The following ABCG8 variants were observed in gnomAD, a reference collection of about 807,000 sequenced individuals.
The protein encoded by ABCG8 is ATP binding cassette subfamily G member 8, also known as ATP-binding cassette sub-family G member 8.
ABCG8 carries 81 observed loss-of-function variants against 71.3 expected under a neutral mutation model. That is an observed-to-expected ratio of 1.14 (90% CI 0.95 to 1.37). ABCG8 has a LOEUF of 1.37. Ranked by LOEUF, ABCG8 falls within the 40% of genes most tolerant of loss-of-function variation. The pLI, the probability that ABCG8 is intolerant of heterozygous loss-of-function variation, is 0.00. For synonymous variants in ABCG8, 451 were observed against 354.7 expected (o/e 1.27, Z -3.05); for missense variants, 1,119 against 866.2 (o/e 1.29, Z -3.66).
At chr2:43,874,886 A>T (rs151177142) in intron 10 of ABCG8, among the ~76,000 whole-genome samples, 186 of 152,204 alleles carry the variant, frequency 1.2e-3, no homozygotes, top group Non-Finnish European at 1.8e-3. Context: ...TAGGGACTTG[A>T]AACCAGGTCT....
chr2:43,877,797 G>T lies in ABCG8; in HGVS notation c.1906G>T (p.Asp636Tyr). Residue 636 changes from aspartate (D) to tyrosine (Y), a missense_variant, in exon 13 of 13, where the codon GAC becomes TAC. Asp to Tyr is a radical substitution (Grantham distance 160). Coordinates refer to ENST00000272286, the MANE Select transcript of ABCG8 (RefSeq NM_022437.3). Reference protein sequence around the residue: ...GDKILSVMELDSYPLYAIYLI... With the variant: ...GDKILSVMELYSYPLYAIYLI... ...CCAGATCCTCAGTGTCATGGAGCTG[G>T]ACTCGTACCCTCTCTACGCCATCTA... is the stretch of plus-strand genomic sequence containing the variant. The T allele has an allele frequency of 6.2e-7, 1 of 1,614,156 alleles. No homozygotes were observed. The highest frequency in any genetic ancestry group is 2.2e-5 in the East Asian group (1 of 44,878).
chr2:43,844,671 G>T, intron 2 of ABCG8, 63 bp downstream of exon 2: 1 of 1,390,154 alleles, frequency 7.2e-7, no homozygotes, highest in Admixed American at 1.8e-5. Flanking sequence ...AATTCCCCGG[G>T]TGGAAATAAA....
At chr2:43,854,736 G>A (rs946942999) in intron 6 of ABCG8, among the ~76,000 whole-genome samples, 2 of 152,134 alleles carry the variant, frequency 1.3e-5, no homozygotes, top group Non-Finnish European at 2.9e-5. Flanking sequence ...AGGGTGGGCA[G>A]GCATGCATGG....
intron 6 of ABCG8, among the ~76,000 whole-genome samples, chr2:43,853,784 G>GT (rs1453688467): frequency 2.0e-5 from 3 of 152,204 alleles, no homozygotes; most frequent in African/African-American, 7.2e-5. Context: ...ACAGTTGTAA[G>GT]GCACAGAACT....
intron 3 of ABCG8, among the ~76,000 whole-genome samples, chr2:43,848,883 G>T (rs1287625672): frequency 6.6e-6 from 1 of 151,852 alleles, no homozygotes; most frequent in Admixed American, 6.6e-5. Flanking sequence ...TTAGCTGGGC[G>T]TGGTGGCACG....
At chr2:43,862,875 C>A (rs566816119) in intron 6 of ABCG8, among the ~76,000 whole-genome samples, 2 of 151,132 alleles carry the variant, frequency 1.3e-5, no homozygotes, top group East Asian at 3.9e-4. Context: ...CTCTCACTCT[C>A]TGTCTAGGTA....
At chr2:43,858,822 CACTA>C (rs1297261490) in intron 6 of ABCG8, among the ~76,000 whole-genome samples, 1 of 151,452 alleles carries the variant, frequency 6.6e-6, no homozygotes, top group Non-Finnish European at 1.5e-5. Flanking sequence ...ATAGAACTCT[CACTA>C]TCTATCTGGA....
chr2:43,861,500 C>T (rs1440602609), intron 6 of ABCG8, among the ~76,000 whole-genome samples: 3 of 151,166 alleles, frequency 2.0e-5, no homozygotes, highest in Admixed American at 2.0e-4. Flanking sequence ...ATAGAATTCT[C>T]ACTCTCTGGA....
Position 43,878,495 on chromosome 2 carries a change from T to C in ABCG8, c.*582T>C, listed in dbSNP as rs1044359846. On this transcript the variant is annotated 3_prime_UTR_variant, in exon 13 of 13. Coordinates refer to ENST00000272286, the MANE Select transcript of ABCG8 (RefSeq NM_022437.3). ...TGTAGCAGGTCCTGTGAAAACACTTTAGGTGGACAATCCCTTGAGGTAAGT... is the reference window on the plus strand; with the variant it reads ...TGTAGCAGGTCCTGTGAAAACACTTCAGGTGGACAATCCCTTGAGGTAAGT... 2 of 178,388 alleles carry C rather than the reference T, an allele frequency of 1.1e-5. No homozygotes were observed. The highest frequency in any genetic ancestry group is 1.3e-4 in the South Asian group (1 of 7,762). The allele number at this position is 178,388 out of a possible 1,614,324, so 11.1% of individuals were successfully genotyped here. A position where few individuals can be genotyped will look rare whatever the true frequency, so the allele number is the denominator to read the frequency against.
intron 6 of ABCG8, among the ~76,000 whole-genome samples, chr2:43,869,701 G>A (rs1445988940): frequency 1.4e-5 from 2 of 147,798 alleles, no homozygotes; most frequent in African/African-American, 2.5e-5. Flanking sequence ...CTGGATAGAA[G>A]TCTCATTATC....
At chr2:43,840,531 A>C (rs991695652) in intron 1 of ABCG8, among the ~76,000 whole-genome samples, 30 of 152,196 alleles carry the variant, frequency 2.0e-4, no homozygotes, top group African/African-American at 6.3e-4. Context: ...GTCTGCCCGT[A>C]ACACCTGTGG....
chr2:43,857,605 G>A (rs1669158953), intron 6 of ABCG8, among the ~76,000 whole-genome samples: 1 of 151,244 alleles, frequency 6.6e-6, no homozygotes, highest in African/African-American at 2.4e-5. Context: ...CTTGCTATCT[G>A]TCTGGATAGA....
chr2:43,850,909 CAAAAAAA>C (rs1164206598), intron 3 of ABCG8, among the ~76,000 whole-genome samples: 1 of 57,522 alleles, frequency 1.7e-5, no homozygotes, highest in South Asian at 5.3e-4. Flanking sequence ...GACTCTGTCT[CAAAAAAA>C]AAAAAAAAAA....
At position 43,873,880 on chromosome 2, in the gene ABCG8, T is replaced by G; in HGVS notation, c.1305T>G (p.Tyr435Ter). ...TGTCAATGACCATCGGCTTCCTCTA[T>G]TTTGGCCATGGGAGCATCCAGCTCT... ...CLMSMTIGFL[Y>*]FGHGSIQLSF... Residue 435 changes from tyrosine (Y) to a stop codon, truncating the protein, a stop_gained, in exon 9 of 13, where the codon TAT becomes TAG. Coordinates refer to ENST00000272286, the MANE Select transcript of ABCG8 (RefSeq NM_022437.3). LOFTEE classifies it high-confidence loss of function. 6.2e-7 allele frequency: 1 copy of G among 1,614,144 alleles called. No homozygotes were observed. Among genetic ancestry groups the G allele is most frequent in the Non-Finnish European group, 8.5e-7 (1 of 1,180,020 alleles).
intron 6 of ABCG8, among the ~76,000 whole-genome samples, chr2:43,857,393 A>G (rs1172443785): frequency 6.6e-6 from 1 of 151,338 alleles, no homozygotes; most frequent in Non-Finnish European, 1.5e-5. Flanking sequence ...AACTCTCACT[A>G]TCTATCTGGA....
chr2:43,839,151 TG>T, intron 1 of ABCG8, 35 bp downstream of exon 1: 1 of 1,549,564 alleles, frequency 6.5e-7, no homozygotes, highest in Non-Finnish European at 8.7e-7. Context: ...CCAGGCCTGG[TG>T]GGCGGGTAGG....
chr2:43,844,204 G>A (rs1668666127), intron 1 of ABCG8, among the ~76,000 whole-genome samples: 1 of 152,098 alleles, frequency 6.6e-6, no homozygotes, highest in Admixed American at 6.6e-5. Flanking sequence ...TCCAGAGTCT[G>A]GGTCTCTTTA....
chr2:43,864,063 T>G (rs966446319), intron 6 of ABCG8, among the ~76,000 whole-genome samples: 7 of 151,718 alleles, frequency 4.6e-5, no homozygotes, highest in African/African-American at 1.4e-4. Flanking sequence ...TCTCACTATC[T>G]GTCTGGATAG....
intron 8 of ABCG8, among the ~76,000 whole-genome samples, chr2:43,872,879 T>C (rs2104946087): frequency 6.6e-6 from 1 of 152,240 alleles, no homozygotes; most frequent in South Asian, 2.1e-4. Flanking sequence ...GAATCTCTGG[T>C]TAAAAGGGAA....
Sources: gnomAD v4.1 joint callset for allele counts (sites outside exome capture counted in the v4.1 genomes callset) on GRCh38, gnomAD v4.1.1 for gene constraint, MANE v1.5 for transcripts, NCBI Gene and HGNC (gene_info 2026-07-23, HGNC 2026-07-21) for gene names.